The following ZBTB22 variants were observed in gnomAD, a reference collection of about 807,000 sequenced individuals.
ZBTB22 encodes the protein zinc finger and BTB domain-containing protein 22.
For synonymous variants in ZBTB22, 356 were observed against 347.3 expected, an observed-to-expected ratio of 1.03 and a Z score of -0.28; for missense variants, 668 against 834.1, an observed-to-expected ratio of 0.80 and a Z score of 2.45.
chr6:33,317,006 G>C, intron 1 of ZBTB22, 21 bp from the exon 2 acceptor site: 1 of 1,420,562 alleles, frequency 7.0e-7, no homozygotes, highest in Non-Finnish European at 9.3e-7. Context: ...AAAGAGAAAA[G>C]AATAATGATA....
chr6:33,315,767 A>G lies in ZBTB22; in HGVS notation c.1150T>C (p.Phe384Leu), dbSNP rs1438315474. The part of the protein sequence containing the change: ...QVNFCESSND[F>L]GPYEGGGPVA... ...GGACCCCCACCCTCATATGGGCCAA[A>G]GTCATTGGAGGACTCACAGAAGTTG... Residue 384 changes from phenylalanine to leucine, a missense_variant, in exon 2 of 2, where the codon TTT (phenylalanine) becomes CTT (leucine). Physicochemically the swap from Phe to Leu is conservative, Grantham distance 22 (BLOSUM62 0). Transcript: ENST00000431845. This position sits in a 1 kb window ranked among gnomAD's most constrained non-coding sequence, Gnocchi z 5.4. The G allele has an allele frequency of 1.2e-6, 2 of 1,613,294 alleles. No homozygotes were observed. The highest frequency in any genetic ancestry group is 2.2e-5 in the South Asian group (2 of 91,036).
chr6:33,317,233 G>C (rs1283071758), intron 1 of ZBTB22, among the ~76,000 whole-genome samples: 2 of 152,190 alleles, frequency 1.3e-5, no homozygotes, highest in Non-Finnish European at 2.9e-5. Context: ...CCTTTCCTTG[G>C]AGGTTAGAGA....
chr6:33,315,939 TTCC>T lies in ZBTB22; in HGVS notation c.975_977del (p.Glu326del). The stretch of plus-strand genomic sequence containing the variant: ...CATCCTCACAGGTCAACACCAGATC[TTCC>T]TCCTCCTCTTCCTCCTCCAGATCTG... On this transcript the variant is annotated inframe_deletion, in exon 2 of 2. Coordinates refer to ENST00000431845, the MANE Select transcript of ZBTB22 (RefSeq NM_005453.5). This position sits in a 1 kb window ranked among gnomAD's most constrained non-coding sequence, Gnocchi z 5.4. 1 of 1,614,050 alleles carries T rather than the reference TTCC, an allele frequency of 6.2e-7. No individual in the cohort carries two copies. Among genetic ancestry groups the T allele is most frequent in the Non-Finnish European group, 8.5e-7 (1 of 1,179,982 alleles).
At position 33,314,770 on chromosome 6, in the gene ZBTB22, A is replaced by G; in HGVS notation, c.*242T>C. On this transcript the variant is annotated 3_prime_UTR_variant, in exon 2 of 2. Coordinates refer to ENST00000431845, the MANE Select transcript of ZBTB22 (RefSeq NM_005453.5). ...ATCTACTCTGTGGAGCAGGGGCTTC[A>G]GTGTACCCATCAGAGGGAAAGGAAG... is the stretch of plus-strand genomic sequence containing the variant. 2 of 678,822 alleles carry G rather than the reference A, an allele frequency of 2.9e-6. No individual in the cohort carries two copies. The highest frequency in any genetic ancestry group is 3.1e-5 in the South Asian group (1 of 32,068). 42.0% of individuals were successfully genotyped at this position (678,822 alleles called of 1,614,324 possible).
In ZBTB22 at chr6:33,316,847, G is replaced by C; in HGVS notation, c.70C>G (p.Leu24Val). ...ACCACTGCAGCTGCTGGCAGGGGTA[G>C]TGGGGGCGGAGCCAGCGACAGCGGC... ...PLPLSLAPPP[L>V]PLPAAAVVHV... The change falls in exon 2 of 2, where the codon CTA becomes GTA. Residue 24 changes from leucine (L) to valine (V), a missense_variant. Leu to Val is a conservative substitution (Grantham distance 32). Coordinates refer to ENST00000431845, the MANE Select transcript of ZBTB22 (RefSeq NM_005453.5). This position sits in a 1 kb window ranked among gnomAD's most constrained non-coding sequence, Gnocchi z 7.2. 1 of 1,613,940 alleles carries C rather than the reference G, an allele frequency of 6.2e-7. No homozygotes were observed. The highest frequency in any genetic ancestry group is 1.1e-5 in the South Asian group (1 of 91,076).
At chr6:33,317,019 A>C (rs1290983195) in intron 1 of ZBTB22, 34 bp from the exon 2 acceptor site, 1 of 1,357,864 alleles carries the variant, frequency 7.4e-7, no homozygotes, top group Non-Finnish European at 9.8e-7. Flanking sequence ...TAATGATAAC[A>C]TCTCATAACG....
At position 33,315,456 on chromosome 6, in the gene ZBTB22, C is replaced by T. The variant is rs1432549929; in HGVS notation, c.1461G>A (p.Leu487=). 6.2e-7 allele frequency: 1 copy of T among 1,614,138 alleles called. No individual in the cohort carries two copies. Among genetic ancestry groups the T allele is most frequent in the Non-Finnish European group, 8.5e-7 (1 of 1,180,028 alleles). The change falls in exon 2 of 2, where the codon CTG becomes CTA. Residue 487 remains leucine (L), a synonymous_variant. Coordinates refer to ENST00000431845, the MANE Select transcript of ZBTB22 (RefSeq NM_005453.5). The surrounding 1 kb of genome is among the most constrained non-coding windows in gnomAD (Gnocchi z 5.4). The stretch of plus-strand genomic sequence containing the variant: ...GGGAGAAGGCCTTCCCACAATGGCA[C>T]AGAAAGATCTTATTCCCGTCCCCAC... ...TGSGDGNKIF[L]CHCGKAFSHK...
Position 33,317,021 on chromosome 6 carries a change from C to T in ZBTB22, c.-69-36G>A. On this transcript the variant is annotated intron_variant, in intron 1 of 1. Transcript: ENST00000431845. ...AAAGAGAAAAGAATAATGATAACAT[C>T]TCATAACGACACAGCCCGTTACAAC... is the stretch of plus-strand genomic sequence containing the variant. The T allele has an allele frequency of 5.2e-6, 7 of 1,353,378 alleles. 1 individual carries two copies. In the South Asian group the frequency reaches 9.1e-5, roughly 18 times the overall value. 83.8% of individuals were successfully genotyped at this position (1,353,378 alleles called of 1,614,324 possible). A position where few individuals can be genotyped will look rare whatever the true frequency, so the allele number is the denominator to read the frequency against.
At position 33,314,724 on chromosome 6, in the gene ZBTB22, CT is replaced by C; in HGVS notation, c.*287del. The C allele has an allele frequency of 2.2e-6, 1 of 459,856 alleles. No homozygotes were observed. The highest frequency in any genetic ancestry group is 5.7e-4 in the Middle Eastern group (1 of 1,758). 28.5% of individuals were successfully genotyped at this position (459,856 alleles called of 1,614,324 possible). ...GACTGCAGGATGTTCAACACGCCCCCTCTCCCTCCCTCCATGTGCAATCTAC... is the reference window on the plus strand; with the variant it reads ...GACTGCAGGATGTTCAACACGCCCCCCTCCCTCCCTCCATGTGCAATCTAC... On this transcript the variant is annotated 3_prime_UTR_variant, in exon 2 of 2. Coordinates refer to ENST00000431845, the MANE Select transcript of ZBTB22 (RefSeq NM_005453.5).
rs761222801 is a variant in ZBTB22 at position 33,316,662 on chromosome 6, C to T, written c.255G>A (p.Gln85=). The change falls in exon 2 of 2, where the codon CAG becomes CAA. Residue 85 remains glutamine, a synonymous_variant. Transcript: ENST00000431845. This position sits in a 1 kb window ranked among gnomAD's most constrained non-coding sequence, Gnocchi z 7.2. ...LAASSPYFHD[Q]VLLKGMTSIS... ...TGGAGGTCATGCCTTTGAGTAGGAC[C>T]TGATCATGGAAGTAAGGGGAGGAGG... 12 of 1,614,076 alleles carry T rather than the reference C, an allele frequency of 7.4e-6. No homozygotes were observed. In the South Asian group the frequency reaches 1.1e-4, roughly 15 times the overall value.
At position 33,316,639 on chromosome 6, in the gene ZBTB22, G is replaced by C; in HGVS notation, c.278C>G (p.Ser93Cys). 1.2e-6 allele frequency: 2 copies of C among 1,614,250 alleles called. No individual in the cohort carries two copies. The highest frequency in any genetic ancestry group is 1.7e-6 in the Non-Finnish European group (2 of 1,180,040). Residue 93 changes from serine to cysteine, a missense_variant, in exon 2 of 2, where the codon TCC becomes TGC. Coordinates refer to ENST00000431845, the MANE Select transcript of ZBTB22 (RefSeq NM_005453.5). This position sits in a 1 kb window ranked among gnomAD's most constrained non-coding sequence, Gnocchi z 7.2. ...HDQVLLKGMT[S>C]ISLPSVMDPG... Reference sequence around the variant, plus strand: ...GTCCATGACACTGGGCAGCGAGATGGAGGTCATGCCTTTGAGTAGGACCTG... The same window carrying C: ...GTCCATGACACTGGGCAGCGAGATGCAGGTCATGCCTTTGAGTAGGACCTG...
chr6:33,315,395 G>A lies in ZBTB22; in HGVS notation c.1522C>T (p.Leu508Phe). 3 of 1,614,200 alleles carry A rather than the reference G, an allele frequency of 1.9e-6. No homozygotes were observed. Among genetic ancestry groups the A allele is most frequent in the Non-Finnish European group, 2.5e-6 (3 of 1,180,038 alleles). The change falls in exon 2 of 2, where the codon CTC becomes TTC. Residue 508 changes from leucine to phenylalanine, a missense_variant. Transcript: ENST00000431845. The surrounding 1 kb of genome is among the most constrained non-coding windows in gnomAD (Gnocchi z 5.4). ...GGGCAGTCAAACGGCCGCAGATTGA[G>A]GTGCATGTTCACGTGCCGGTCCCGC... ...SMRDRHVNMH[L>F]NLRPFDCPVC...
At position 33,315,214 on chromosome 6, in the gene ZBTB22, C is replaced by A. The variant is rs1178457599; in HGVS notation, c.1703G>T (p.Arg568Leu). Residue 568 changes from arginine to leucine, a missense_variant, in exon 2 of 2, where the codon CGC (arginine) becomes CTC (leucine). Arg to Leu is a moderately radical substitution (Grantham distance 102). Transcript: ENST00000431845. This position sits in a 1 kb window ranked among gnomAD's most constrained non-coding sequence, Gnocchi z 5.4. ...AGGTACGGCCCCGACCCCGCCCAGG[C>A]GGTGCCGGCGCTCACAGTGTCCTCG... ...RHRGHCERRH[R>L]LGGVGAVPGP... is the part of the protein sequence containing the mutation. 1 of 1,612,520 alleles carries A rather than the reference C, an allele frequency of 6.2e-7. No homozygotes were observed. Among genetic ancestry groups the A allele is most frequent in the Non-Finnish European group, 8.5e-7 (1 of 1,179,526 alleles).
At position 33,315,424 on chromosome 6, in the gene ZBTB22, C is replaced by T; in HGVS notation, c.1493G>A (p.Ser498Asn). ...CHCGKAFSHK[S>N]MRDRHVNMHL... ...CATGTTCACGTGCCGGTCCCGCATGCTCTTGTGGGAGAAGGCCTTCCCACA... is the reference window on the plus strand; with the variant it reads ...CATGTTCACGTGCCGGTCCCGCATGTTCTTGTGGGAGAAGGCCTTCCCACA... Residue 498 changes from serine to asparagine, a missense_variant, in exon 2 of 2, where the codon AGC becomes AAC. Coordinates refer to ENST00000431845, the MANE Select transcript of ZBTB22 (RefSeq NM_005453.5). The surrounding 1 kb of genome is among the most constrained non-coding windows in gnomAD (Gnocchi z 5.4). The T allele has an allele frequency of 6.2e-7, 1 of 1,614,196 alleles. No homozygotes were observed. The highest frequency in any genetic ancestry group is 1.1e-5 in the South Asian group (1 of 91,086).
Position 33,315,626 on chromosome 6 carries a change from ACG to A in ZBTB22, c.1289_1290del (p.Pro430LeufsTer39), listed in dbSNP as rs776911944. ...DMQGNQILVFPSSSSSSSSQA... is the reference protein window; with the variant it reads ...DMQGNQILVFXSSSSSSSSQA... The stretch of plus-strand genomic sequence containing the variant: ...TGTGAGGATGAGGATGAAGACGACG[ACG>A]GGAAGACCAGGATCTGGTTGCCCTG... On this transcript the variant is annotated frameshift_variant, in exon 2 of 2. Coordinates refer to ENST00000431845, the MANE Select transcript of ZBTB22 (RefSeq NM_005453.5). LOFTEE classifies it low-confidence loss of function (END_TRUNC). The surrounding 1 kb of genome is among the most constrained non-coding windows in gnomAD (Gnocchi z 5.4). 3 of 1,613,914 alleles carry A rather than the reference ACG, an allele frequency of 1.9e-6. No individual in the cohort carries two copies. Among genetic ancestry groups the A allele is most frequent in the Non-Finnish European group, 2.5e-6 (3 of 1,179,954 alleles).
rs1371258871 is a variant in ZBTB22, at chr6:33,315,080, G to A, written c.1837C>T (p.Arg613Cys). ...ASAATPPSSRRVWSPPRVHKV... is the reference protein window; with the variant it reads ...ASAATPPSSRCVWSPPRVHKV... Reference sequence around the variant, plus strand: ...TGGACTCTGGGTGGGGACCAGACACGTCTGCTGGACGGGGGCGTGGCCGCA... The same window carrying A: ...TGGACTCTGGGTGGGGACCAGACACATCTGCTGGACGGGGGCGTGGCCGCA... The change falls in exon 2 of 2, where the codon CGT becomes TGT. Residue 613 changes from arginine (R) to cysteine (C), a missense_variant. By Grantham distance (180) the Arg-to-Cys change is radical. Coordinates refer to ENST00000431845, the MANE Select transcript of ZBTB22 (RefSeq NM_005453.5). The surrounding 1 kb of genome is among the most constrained non-coding windows in gnomAD (Gnocchi z 5.4). The A allele has an allele frequency of 4.4e-6, 7 of 1,605,220 alleles. No individual in the cohort carries two copies. The highest frequency in any genetic ancestry group is 6.0e-6 in the Non-Finnish European group (7 of 1,174,270).
chr6:33,316,140 C>T lies in ZBTB22; in HGVS notation c.777G>A (p.Leu259=). The change falls in exon 2 of 2, where the codon CTG becomes CTA. Residue 259 remains leucine (L), a synonymous_variant. Coordinates refer to ENST00000431845, the MANE Select transcript of ZBTB22 (RefSeq NM_005453.5). The surrounding 1 kb of genome is among the most constrained non-coding windows in gnomAD (Gnocchi z 7.2). The part of the protein sequence containing the change: ...SGGATSGKLL[L]EADELCDDGG... ...CATCATCGCACAGCTCATCTGCCTC[C>T]AGCAGCAGCTTTCCAGATGTGGCCC... 1 of 1,613,808 alleles carries T rather than the reference C, an allele frequency of 6.2e-7. No homozygotes were observed. Among genetic ancestry groups the T allele is most frequent in the Non-Finnish European group, 8.5e-7 (1 of 1,180,010 alleles).
chr6:33,316,935 A>AC lies in ZBTB22; in HGVS notation c.-20dup, dbSNP rs769118531. ...GCTCCATGTTGTGGAGGGAGGGGAT[A>AC]CCCCCCCAGCCACAGGAACAAAGAA... On this transcript the variant is annotated 5_prime_UTR_variant, in exon 2 of 2. Transcript: ENST00000431845. This position sits in a 1 kb window ranked among gnomAD's most constrained non-coding sequence, Gnocchi z 7.2. The AC allele has an allele frequency of 5.8e-5, 87 of 1,501,540 alleles. No individual in the cohort carries two copies. Among genetic ancestry groups the AC allele is most frequent in the Admixed American group, 6.7e-5 (3 of 44,862 alleles). 93.0% of individuals were successfully genotyped at this position (1,501,540 alleles called of 1,614,324 possible). A position where few individuals can be genotyped will look rare whatever the true frequency, so the allele number is the denominator to read the frequency against.
In ZBTB22 at chr6:33,315,458, G is replaced by T; in HGVS notation, c.1459C>A (p.Leu487Met). The T allele has an allele frequency of 6.2e-7, 1 of 1,614,122 alleles. No homozygotes were observed. Among genetic ancestry groups the T allele is most frequent in the South Asian group, 1.1e-5 (1 of 91,082 alleles). Residue 487 changes from leucine (L) to methionine (M), a missense_variant, in exon 2 of 2, where the codon CTG becomes ATG. Coordinates refer to ENST00000431845, the MANE Select transcript of ZBTB22 (RefSeq NM_005453.5). This position sits in a 1 kb window ranked among gnomAD's most constrained non-coding sequence, Gnocchi z 5.4. ...TGSGDGNKIF[L>M]CHCGKAFSHK... ...GAGAAGGCCTTCCCACAATGGCACA[G>T]AAAGATCTTATTCCCGTCCCCACTG...
Sources: gnomAD v4.1 joint callset for allele counts (sites outside exome capture counted in the v4.1 genomes callset) on GRCh38, gnomAD v4.1.1 for gene constraint, Gnocchi (gnomAD v3.1) non-coding constraint, MANE v1.5 for transcripts, NCBI Gene and HGNC (gene_info 2026-07-23, HGNC 2026-07-21) for gene names.